The following ADAM22 variants were observed in gnomAD, a reference collection of about 807,000 sequenced individuals.
ADAM22 encodes the protein ADAM metallopeptidase domain 22.
In ADAM22, 65 loss-of-function variants were observed where a neutral mutation model predicts 144.6. That is an observed-to-expected ratio of 0.45 (90% CI 0.37 to 0.55). The LOEUF (loss-of-function observed/expected upper bound fraction) is 0.55, where lower values mean the gene tolerates loss of function less well. ADAM22 is among the 20% of genes least tolerant of loss of function. ADAM22 has a pLI of 0.00. For synonymous variants in ADAM22, 391 were observed against 412.6 expected, an observed-to-expected ratio of 0.95 and a Z score of 0.63; for missense variants, 974 against 1,184.9, an observed-to-expected ratio of 0.82 and a Z score of 2.61.
chr7:87,937,224 C>G (rs896579016), intron 2 of ADAM22, among the ~76,000 whole-genome samples: 1 of 152,210 alleles, frequency 6.6e-6, no homozygotes, highest in Admixed American at 6.5e-5. Flanking sequence ...TCCCAAAATG[C>G]TGGGATTACA....
chr7:88,104,986 T>C (rs1032858296), intron 4 of ADAM22, among the ~76,000 whole-genome samples: 3 of 152,184 alleles, frequency 2.0e-5, no homozygotes, highest in African/African-American at 7.2e-5. Flanking sequence ...AATATTGTTT[T>C]CCATTATTGA....
Position 88,153,188 on chromosome 7 carries a change from C to T in ADAM22, c.1682-33C>T, listed in dbSNP as rs775662093. On this transcript the variant is annotated intron_variant, in intron 20 of 31. Coordinates refer to ENST00000413139, the MANE Select transcript of ADAM22 (RefSeq NM_001324418.2). ...GCTTTTGAGCAGCCAAATCGTACTTCCCTCACTGATAGAAAATTTTTTTCT... is the reference window on the plus strand; with the variant it reads ...GCTTTTGAGCAGCCAAATCGTACTTTCCTCACTGATAGAAAATTTTTTTCT... 13 of 1,509,264 alleles carry T rather than the reference C, an allele frequency of 8.6e-6. No individual in the cohort carries two copies. The East Asian group carries it at 2.9e-4, about 34-fold the overall frequency. 93.5% of individuals were successfully genotyped at this position (1,509,264 alleles called of 1,614,324 possible).
At chr7:87,982,058 T>TAC (rs1260590999) in intron 3 of ADAM22, among the ~76,000 whole-genome samples, 35 of 120,846 alleles carry the variant, frequency 2.9e-4, no homozygotes, top group Admixed American at 1.9e-3. Context: ...TATATATATA[T>TAC]ATATATATAT....
chr7:87,952,596 A>G (rs1394183485), intron 2 of ADAM22, among the ~76,000 whole-genome samples: 1 of 151,988 alleles, frequency 6.6e-6, no homozygotes, highest in African/African-American at 2.4e-5. Context: ...TATTGGTCTA[A>G]AATTCTCTTT....
chr7:87,972,350 A>G (rs1248687698), intron 2 of ADAM22, among the ~76,000 whole-genome samples: 1 of 151,360 alleles, frequency 6.6e-6, no homozygotes, highest in Non-Finnish European at 1.5e-5. Context: ...CAAAGAGAAT[A>G]AAATACCTAG....
chr7:87,953,898 G>A (rs374697882), intron 2 of ADAM22, among the ~76,000 whole-genome samples: 2 of 152,102 alleles, frequency 1.3e-5, no homozygotes, highest in East Asian at 1.9e-4. Flanking sequence ...ATTATGTAAT[G>A]GCCTTCTTTG....
intron 2 of ADAM22, among the ~76,000 whole-genome samples, chr7:87,976,959 T>C (rs1852037091): frequency 6.6e-6 from 1 of 151,474 alleles, no homozygotes; most frequent in Admixed American, 6.6e-5. Flanking sequence ...GGGGATATGA[T>C]GTATGGCAGA....
intron 4 of ADAM22, among the ~76,000 whole-genome samples, chr7:88,076,163 G>C (rs926004417): frequency 1.3e-5 from 2 of 151,938 alleles, no homozygotes; most frequent in African/African-American, 4.8e-5. Context: ...TCAGTCTCCC[G>C]AGTAGCTGGG....
chr7:88,053,606 A>AAG (rs1185439316), intron 3 of ADAM22, among the ~76,000 whole-genome samples: 2 of 99,320 alleles, frequency 2.0e-5, no homozygotes, highest in African/African-American at 7.4e-5. Context: ...GAAAGAAAGA[A>AAG]AGAAAGAAAG....
chr7:88,146,215 A>G (rs1056002787), intron 17 of ADAM22, among the ~76,000 whole-genome samples: 2 of 152,180 alleles, frequency 1.3e-5, no homozygotes, highest in Non-Finnish European at 2.9e-5. Flanking sequence ...TACTCTGTAC[A>G]TTTCATGGAG....
At chr7:88,096,782 G>C (rs1821448633) in intron 4 of ADAM22, among the ~76,000 whole-genome samples, 1 of 151,982 alleles carries the variant, frequency 6.6e-6, no homozygotes, top group Non-Finnish European at 1.5e-5. Flanking sequence ...GGACTCTGGT[G>C]GTTCAACTCC....
At chr7:88,151,458 C>A in intron 20 of ADAM22, 138 bp downstream of exon 20, 1 of 959,918 alleles carries the variant, frequency 1.0e-6, no homozygotes, top group Non-Finnish European at 1.6e-6. Context: ...TTAGCAGGGG[C>A]ATGTTTCTGG....
rs1013652060 is a variant in ADAM22 at position 87,951,081 on chromosome 7, C to T, written c.246+15895C>T. On this transcript the variant is annotated intron_variant, in intron 2 of 31. Transcript: ENST00000413139. ...TAGGTTGCAAAAATTTTCTCCCATT[C>T]TGTAGGTTGCCTGTTCACTCTGATG... Among the ~76,000 whole-genome samples, 25 of 152,136 alleles carry T rather than the reference C, an allele frequency of 1.6e-4. No homozygotes were observed. In the East Asian group the frequency reaches 3.5e-3, roughly 21 times the overall value.
intron 30 of ADAM22, among the ~76,000 whole-genome samples, chr7:88,192,333 T>C (rs1849803479): frequency 6.6e-6 from 1 of 152,174 alleles, no homozygotes; most frequent in African/African-American, 2.4e-5. Context: ...TACTCAGCTG[T>C]TTTCTTTTTT....
intron 23 of ADAM22, among the ~76,000 whole-genome samples, chr7:88,164,330 TAATC>T (rs977214725): frequency 2.0e-5 from 3 of 152,028 alleles, no homozygotes; most frequent in Non-Finnish European, 4.4e-5. Context: ...AGTAAAAGAA[TAATC>T]AATGCAAATA....
At position 88,156,020 on chromosome 7, in the gene ADAM22, C is replaced by A; in HGVS notation, c.1907+14C>A. The A allele has an allele frequency of 6.2e-7, 1 of 1,611,368 alleles. No individual in the cohort carries two copies. Among genetic ancestry groups the A allele is most frequent in the Non-Finnish European group, 8.5e-7 (1 of 1,178,784 alleles). ...ATTAAACTGCAGGTAATTATCTAAC[C>A]ATTCTGTAAGAATCTGAGTCATCTT... On this transcript the variant is annotated intron_variant, in intron 22 of 31. Transcript: ENST00000413139.
chr7:88,060,580 C>T (rs577980438), intron 3 of ADAM22, among the ~76,000 whole-genome samples: 8 of 150,388 alleles, frequency 5.3e-5, no homozygotes, highest in African/African-American at 2.0e-4. Flanking sequence ...ACCATCCTGG[C>T]TAATGGTGAA....
At position 87,934,267 on chromosome 7, in the gene ADAM22, C is replaced by A. The variant is rs922024044; in HGVS notation, c.-199C>A. Reference sequence around the variant, plus strand: ...CAATGCAGCACTCGCTCGCTCCCCCCGCCAGCGGAAGCGTCCGCGAAGCAC... The same window carrying A: ...CAATGCAGCACTCGCTCGCTCCCCCAGCCAGCGGAAGCGTCCGCGAAGCAC... On this transcript the variant is annotated 5_prime_UTR_variant, in exon 1 of 32. Coordinates refer to ENST00000413139, the MANE Select transcript of ADAM22 (RefSeq NM_001324418.2). The A allele has an allele frequency of 3.9e-6, 2 of 514,948 alleles. No individual in the cohort carries two copies. The highest frequency in any genetic ancestry group is 6.7e-6 in the Non-Finnish European group (2 of 297,988). 31.9% of individuals were successfully genotyped at this position (514,948 alleles called of 1,614,324 possible).
intron 4 of ADAM22, among the ~76,000 whole-genome samples, chr7:88,099,832 T>A (rs371794565): frequency 6.6e-6 from 1 of 152,136 alleles, no homozygotes; most frequent in African/African-American, 2.4e-5. Flanking sequence ...ATTTTGAGGA[T>A]CAACATAGGG....
Sources: allele counts gnomAD v4.1 joint callset (sites outside exome capture counted in the v4.1 genomes callset), GRCh38; gene constraint gnomAD v4.1.1; transcripts MANE v1.5; gene names NCBI Gene and HGNC (gene_info 2026-07-23, HGNC 2026-07-21).